TENM2: variants seen among roughly 807,000 people sequenced by gnomAD.
TENM2 encodes teneurin-2.
TENM2 carries 52 observed loss-of-function variants against 245.2 expected under a neutral mutation model. The ratio of observed to expected loss-of-function variants is 0.21; its 90% confidence interval spans 0.17 to 0.27. TENM2 has a LOEUF of 0.27. Among genes scored for constraint, TENM2 ranks in the 10% least tolerant of loss-of-function variants. The probability of loss-of-function intolerance (pLI) is 1.00; values close to 1 mark genes in which losing one functional copy is unlikely to be tolerated. For synonymous variants in TENM2, 1,363 were observed against 1,438.9 expected, an observed-to-expected ratio of 0.95 and a Z score of 1.19; for missense variants, 3,046 against 3,666.8, an observed-to-expected ratio of 0.83 and a Z score of 4.37.
At chr5:167,598,999 T>C (rs1328561966) in intron 2 of TENM2, among the ~76,000 whole-genome samples, 1 of 151,174 alleles carries the variant, frequency 6.6e-6, no homozygotes, top group Non-Finnish European at 1.5e-5. Flanking sequence ...GAGAAGACAG[T>C]TGAAATTTTT....
intron 2 of TENM2, among the ~76,000 whole-genome samples, chr5:167,600,775 A>C (rs938324633): frequency 1.3e-5 from 2 of 152,320 alleles, no homozygotes; most frequent in East Asian, 3.9e-4. Flanking sequence ...GTTAGGGTTC[A>C]TTTGCTCATC....
chr5:168,040,849 A>G (rs1237609675), intron 5 of TENM2, among the ~76,000 whole-genome samples: 4 of 152,184 alleles, frequency 2.6e-5, no homozygotes, highest in African/African-American at 4.8e-5. Flanking sequence ...AACACCAAAC[A>G]TGTTGTTGAC....
intron 3 of TENM2, among the ~76,000 whole-genome samples, chr5:167,877,285 A>T (rs1773505744): frequency 1.3e-5 from 2 of 152,198 alleles, no homozygotes; most frequent in African/African-American, 4.8e-5. Context: ...GACCTCCCAA[A>T]TACATTTAAG....
chr5:167,829,139 C>G (rs1303707683), intron 2 of TENM2, among the ~76,000 whole-genome samples: 1 of 152,240 alleles, frequency 6.6e-6, no homozygotes, highest in Non-Finnish European at 1.5e-5. Flanking sequence ...TGAAAATTAA[C>G]TGTCTGCCTA....
intron 2 of TENM2, among the ~76,000 whole-genome samples, chr5:167,601,705 T>C (rs1304185013): frequency 1.3e-5 from 2 of 152,218 alleles, no homozygotes; most frequent in African/African-American, 4.8e-5. Context: ...CAATTTCTTA[T>C]TCGTTATTGT....
intron 2 of TENM2, among the ~76,000 whole-genome samples, chr5:167,494,413 G>T (rs1187937334): frequency 6.6e-6 from 1 of 152,076 alleles, no homozygotes; most frequent in Non-Finnish European, 1.5e-5. Context: ...TTTGAGCAAG[G>T]AGGTAATATA....
At chr5:167,503,068 C>A (rs1769309554) in intron 2 of TENM2, among the ~76,000 whole-genome samples, 1 of 152,120 alleles carries the variant, frequency 6.6e-6, no homozygotes, top group Non-Finnish European at 1.5e-5. Context: ...CTCAGGTGAT[C>A]CACCCGACTC....
At chr5:167,629,921 G>A (rs1035416973) in intron 2 of TENM2, among the ~76,000 whole-genome samples, 8 of 151,938 alleles carry the variant, frequency 5.3e-5, no homozygotes, top group African/African-American at 1.9e-4. Context: ...GGAAGAGGAG[G>A]AGAAAGAGGA....
At chr5:167,423,576 A>G (rs1397837652) in intron 2 of TENM2, among the ~76,000 whole-genome samples, 1 of 152,192 alleles carries the variant, frequency 6.6e-6, no homozygotes, top group Non-Finnish European at 1.5e-5. Flanking sequence ...TGCCTTCTTG[A>G]TACGTTATAA....
chr5:167,780,289 A>C (rs1764101262), intron 2 of TENM2, among the ~76,000 whole-genome samples: 1 of 152,174 alleles, frequency 6.6e-6, no homozygotes. Flanking sequence ...TTGTAACCTG[A>C]AATCAAAACC....
chr5:167,188,536 AT>A, the TENM2 span, among the ~76,000 whole-genome samples: 20 of 152,004 alleles, frequency 1.3e-4, no homozygotes, highest in African/African-American at 3.9e-4. Flanking sequence ...GAAAGAGACC[AT>A]TTTTTTCCCT....
chr5:167,743,272 G>A (rs1761321014), intron 2 of TENM2, among the ~76,000 whole-genome samples: 1 of 152,072 alleles, frequency 6.6e-6, no homozygotes, highest in Non-Finnish European at 1.5e-5. Flanking sequence ...TGATCAAAAA[G>A]CTTTAAAGCT....
At chr5:168,254,406 T>A (rs1392955925) in intron 27 of TENM2, among the ~76,000 whole-genome samples, 1 of 150,782 alleles carries the variant, frequency 6.6e-6, no homozygotes, top group Non-Finnish European at 1.5e-5. Context: ...CCAGCCATGT[T>A]AGAAAATTTA....
chr5:168,247,926 G>A lies in TENM2; in HGVS notation c.6987G>A (p.Pro2329=), dbSNP rs373572788. 72 of 1,613,844 alleles carry A rather than the reference G, an allele frequency of 4.5e-5. No homozygotes were observed. The Admixed American group carries it at 9.0e-4, about 20-fold the overall frequency. ...ACTTCTACTCTGACCTCCACAACCC[G>A]ACGCGCATCACCCATGTCTACAATC... Residue 2329 remains proline (P), a synonymous_variant, in exon 27 of 29, where the codon CCG becomes CCA. Transcript: ENST00000518659. This position sits in a 1 kb window ranked among gnomAD's most constrained non-coding sequence, Gnocchi z 7.8.
the TENM2 span, among the ~76,000 whole-genome samples, chr5:167,136,256 C>T: frequency 1.3e-5 from 2 of 152,138 alleles, no homozygotes; most frequent in Non-Finnish European, 2.9e-5. Flanking sequence ...TGGTCTGAAA[C>T]GTATAGGCTG....
intron 2 of TENM2, among the ~76,000 whole-genome samples, chr5:167,632,434 A>AGCACTAC (rs1778935072): frequency 6.6e-6 from 1 of 152,240 alleles, no homozygotes; most frequent in Admixed American, 6.5e-5. Context: ...TGGAAAAATC[A>AGCACTAC]ATAATTCTAC....
intron 1 of TENM2, among the ~76,000 whole-genome samples, chr5:167,307,476 A>G (rs1755746556): frequency 6.6e-6 from 1 of 151,720 alleles, no homozygotes; most frequent in African/African-American, 2.4e-5. Context: ...GGGTATGGAA[A>G]CTCTCAAAAA....
chr5:167,952,794 C>A, exon 4 of TENM2: 1 of 1,563,960 alleles, frequency 6.4e-7, no homozygotes, highest in South Asian at 1.2e-5. Flanking sequence ...CAGCTGGGTG[C>A]TAAACAGCAA....
At chr5:167,984,627 C>A (rs1194191765) in intron 4 of TENM2, among the ~76,000 whole-genome samples, 1 of 152,046 alleles carries the variant, frequency 6.6e-6, no homozygotes, top group Admixed American at 6.5e-5. Context: ...TGCACTCCAG[C>A]CTGGACAACA....
Sources: gnomAD v4.1 joint callset for allele counts (sites outside exome capture counted in the v4.1 genomes callset) on GRCh38, gnomAD v4.1.1 for gene constraint, Gnocchi (gnomAD v3.1) non-coding constraint, MANE v1.5 for transcripts, NCBI Gene and HGNC (gene_info 2026-07-23, HGNC 2026-07-21) for gene names.